Variants in STAG1 observed in about 807,000 individuals in gnomAD.
The protein encoded by STAG1 is STAG1 cohesin complex component.
A neutral mutation model predicts 170.9 loss-of-function variants in STAG1; 26 were observed. The ratio of observed to expected loss-of-function variants is 0.15; its 90% CI spans 0.11 to 0.21. The LOEUF (loss-of-function observed/expected upper bound fraction) is 0.21, where lower values mean the gene tolerates loss of function less well. STAG1 is among the 10% of genes least tolerant of loss of function. STAG1 has a pLI of 1.00. For missense variants in STAG1, 964 were observed against 1,509.5 expected (o/e 0.64, Z 5.99); for synonymous variants, 514 against 497.7 (o/e 1.03, Z -0.44).
intron 1 of STAG1, among the ~76,000 whole-genome samples, chr3:136,632,935 G>A (rs1940389313): frequency 6.6e-6 from 1 of 151,936 alleles, no homozygotes; most frequent in South Asian, 2.1e-4. Flanking sequence ...AATCTATCAG[G>A]TTACTGGTTT....
At chr3:136,377,478 T>A (rs192509148) in intron 23 of STAG1, among the ~76,000 whole-genome samples, 182 bp downstream of exon 23, 2 of 150,310 alleles carry the variant, frequency 1.3e-5, no homozygotes, top group African/African-American at 4.9e-5. Context: ...ATGTATATTA[T>A]ATAATAAGTT....
At chr3:136,479,123 T>C (rs553368025) in intron 9 of STAG1, among the ~76,000 whole-genome samples, 5 of 149,196 alleles carry the variant, frequency 3.4e-5, no homozygotes, top group Non-Finnish European at 7.4e-5. Context: ...CATGTGCACA[T>C]TGTGCAGGTT....
At position 136,423,015 on chromosome 3, in the gene STAG1, T is replaced by C. The variant is rs777510176; in HGVS notation, c.1680A>G (p.Gln560=). The change falls in exon 17 of 34, where the codon CAA becomes CAG. Residue 560 remains glutamine (Q), a synonymous_variant. Transcript: ENST00000383202. ...RVLTAKERKT[Q]IDDRNKLTEH... ...CAGTCAATTTGTTTCTATCATCAAT[T>C]TGAGTTTTCCTTTCTTTGGCAGTTA... is the stretch of plus-strand genomic sequence containing the variant. The C allele has an allele frequency of 2.5e-6, 4 of 1,608,158 alleles. No homozygotes were observed. Among genetic ancestry groups the C allele is most frequent in the Non-Finnish European group, 3.4e-6 (4 of 1,177,370 alleles).
intron 1 of STAG1, among the ~76,000 whole-genome samples, chr3:136,700,885 T>C (rs977950094): frequency 5.1e-5 from 7 of 136,436 alleles, no homozygotes; most frequent in African/African-American, 1.1e-4. Flanking sequence ...TCTTTTTTTT[T>C]TTTTTTTTTT....
At chr3:136,508,124 G>A (rs1202417746) in intron 7 of STAG1, among the ~76,000 whole-genome samples, 3 of 152,182 alleles carry the variant, frequency 2.0e-5, no homozygotes, top group African/African-American at 7.2e-5. Context: ...AGAGGAACGT[G>A]AGGGAACAAG....
chr3:136,719,628 T>G (rs1183429165), intron 1 of STAG1, among the ~76,000 whole-genome samples: 1 of 45,706 alleles, frequency 2.2e-5, no homozygotes, highest in African/African-American at 7.7e-5. Context: ...GGTGGGTGGC[T>G]GGGTAGGTGG....
intron 5 of STAG1, among the ~76,000 whole-genome samples, chr3:136,556,222 T>C (rs1245505824): frequency 2.0e-5 from 3 of 152,184 alleles, no homozygotes; most frequent in East Asian, 1.9e-4. Flanking sequence ...TTTTCACACA[T>C]ACATCCCCTT....
chr3:136,504,017 A>G (rs1255619874), intron 7 of STAG1, among the ~76,000 whole-genome samples: 2 of 152,150 alleles, frequency 1.3e-5, no homozygotes, highest in African/African-American at 4.8e-5. Context: ...GATTACAGGC[A>G]TGAGCCACCG....
At chr3:136,499,274 C>T (rs1462735912) in intron 9 of STAG1, among the ~76,000 whole-genome samples, 1 of 152,060 alleles carries the variant, frequency 6.6e-6, no homozygotes, top group East Asian at 1.9e-4. Flanking sequence ...CAGCCTTGAC[C>T]CTCTGGTTCA....
intron 9 of STAG1, among the ~76,000 whole-genome samples, chr3:136,494,664 A>C (rs966317734): frequency 6.6e-6 from 1 of 152,192 alleles, no homozygotes; most frequent in Non-Finnish European, 1.5e-5. Flanking sequence ...TATTAATATA[A>C]TAAAAGAAAA....
At chr3:136,632,745 T>C (rs1940381669) in intron 1 of STAG1, among the ~76,000 whole-genome samples, 1 of 152,104 alleles carries the variant, frequency 6.6e-6, no homozygotes, top group South Asian at 2.1e-4. Context: ...AGAGGAGGCC[T>C]GAGAGAAGCA....
chr3:136,364,915 A>G (rs1937018246), intron 25 of STAG1, among the ~76,000 whole-genome samples: 2 of 152,198 alleles, frequency 1.3e-5, no homozygotes, highest in African/African-American at 4.8e-5. Context: ...TAGTGCAAAG[A>G]AGAATTATCT....
In STAG1 at chr3:136,352,208, T is replaced by G. The variant is rs566898703; in HGVS notation, c.3066-2845A>C. 4.6e-5 allele frequency among the ~76,000 whole-genome samples: 7 copies of G among 152,322 alleles called. No individual in the cohort carries two copies. The East Asian group carries it at 1.4e-3, about 29-fold the overall frequency. ...ATAAGGTCTCACTCTGTCACCGAGG[T>G]TGGAGTGCAGTGGCACAATCTTGGC... On this transcript the variant is annotated intron_variant, in intron 28 of 33. Coordinates refer to ENST00000383202, the MANE Select transcript of STAG1 (RefSeq NM_005862.3).
intron 1 of STAG1, among the ~76,000 whole-genome samples, chr3:136,716,562 C>CT (rs1458225780): frequency 2.0e-5 from 3 of 152,224 alleles, no homozygotes; most frequent in African/African-American, 7.2e-5. Context: ...AGGAGGAGCT[C>CT]TTCAGGCCAG....
At chr3:136,454,844 A>T (rs1374213831) in intron 13 of STAG1, among the ~76,000 whole-genome samples, 1 of 152,224 alleles carries the variant, frequency 6.6e-6, no homozygotes, top group Non-Finnish European at 1.5e-5. Flanking sequence ...TGAATAGCTT[A>T]TGACTAGACT....
intron 3 of STAG1, among the ~76,000 whole-genome samples, chr3:136,615,395 T>G (rs2107821626): frequency 8.7e-6 from 1 of 114,950 alleles, no homozygotes; most frequent in Non-Finnish European, 1.6e-5. Flanking sequence ...GTCACTGCAC[T>G]CCAGCCTGGG....
At chr3:136,348,929 C>T in intron 29 of STAG1, 2 of 533,906 alleles carry the variant, frequency 3.7e-6, no homozygotes, top group Non-Finnish European at 6.7e-6. Flanking sequence ...ATTTTTTCCT[C>T]TTTTGGGCTG....
Position 136,336,937 on chromosome 3 carries a change from GCTTA to G in STAG1, c.*1313_*1316del, listed in dbSNP as rs1433171996. On this transcript the variant is annotated 3_prime_UTR_variant, in exon 34 of 34. Coordinates refer to ENST00000383202, the MANE Select transcript of STAG1 (RefSeq NM_005862.3). ...GATGAATTGGTTTGGAAATTCTGAG[GCTTA>G]CTTTAGAAATCAGAAAGGAAGAGAG... 7.5e-5 allele frequency: 9 copies of G among 120,062 alleles called. No homozygotes were observed. The highest frequency in any genetic ancestry group is 6.8e-4 in the Admixed American group (7 of 10,262). 7.4% of individuals were successfully genotyped at this position (120,062 alleles called of 1,614,324 possible). A position where few individuals can be genotyped will look rare whatever the true frequency, so the allele number is the denominator to read the frequency against.
Position 136,660,190 on chromosome 3 carries a change from G to A in STAG1, c.-83-29209C>T, listed in dbSNP as rs1380041089. Among the ~76,000 whole-genome samples the A allele has an allele frequency of 6.6e-5, 10 of 152,262 alleles. No homozygotes were observed. In the East Asian group the frequency reaches 1.9e-3, roughly 29 times the overall value. ...TTCTTTTGGCAATTCATTGGCGATA[G>A]ATGTCTCTTCCTATAAAACTCTTTC... On this transcript the variant is annotated intron_variant, in intron 1 of 33. Coordinates refer to ENST00000383202, the MANE Select transcript of STAG1 (RefSeq NM_005862.3).
Sources: gnomAD v4.1 joint callset for allele counts (sites outside exome capture counted in the v4.1 genomes callset) on GRCh38, gnomAD v4.1.1 for gene constraint, MANE v1.5 for transcripts, NCBI Gene and HGNC (gene_info 2026-07-23, HGNC 2026-07-21) for gene names.